The following FNDC3A variants were observed in gnomAD, a reference collection of about 807,000 sequenced individuals.
FNDC3A encodes fibronectin type III domain containing 3A.
Under a neutral mutation model 148.9 loss-of-function variants are expected in FNDC3A, and 32 were observed. The ratio of observed to expected loss-of-function variants is 0.21; its 90% CI spans 0.16 to 0.29. The LOEUF (loss-of-function observed/expected upper bound fraction) is 0.29, where lower values mean the gene tolerates loss of function less well. FNDC3A is among the 10% of genes least tolerant of loss of function. FNDC3A has a pLI of 1.00. For synonymous variants in FNDC3A, 472 were observed against 473.6 expected (o/e 1.00, Z 0.04); for missense variants, 1,191 against 1,452.8 (o/e 0.82, Z 2.93).
chr13:49,048,908 A>G (rs570409535), intron 2 of FNDC3A, among the ~76,000 whole-genome samples: 1 of 152,264 alleles, frequency 6.6e-6, no homozygotes, highest in South Asian at 2.1e-4. Context: ...CTCAGGGGGA[A>G]TGCTTTCAAC....
At chr13:49,188,348 A>G (rs927019764) in intron 16 of FNDC3A, among the ~76,000 whole-genome samples, 167 bp from the exon 17 acceptor site, 1 of 152,256 alleles carries the variant, frequency 6.6e-6, no homozygotes, top group Non-Finnish European at 1.5e-5. Flanking sequence ...GAAGCTGCAC[A>G]CATAAAGAAA....
chr13:49,173,065 A>G (rs1045521680), intron 11 of FNDC3A, among the ~76,000 whole-genome samples: 3 of 152,246 alleles, frequency 2.0e-5, no homozygotes, highest in African/African-American at 7.2e-5. Flanking sequence ...AAGTTAACAA[A>G]TTTATGTTGG....
chr13:49,130,334 C>G (rs1386518651), intron 4 of FNDC3A, among the ~76,000 whole-genome samples: 2 of 151,712 alleles, frequency 1.3e-5, no homozygotes, highest in African/African-American at 4.8e-5. Context: ...TTGAAATGAT[C>G]AGCTGTTAAA....
At chr13:49,142,713 C>A (rs1882758807) in intron 7 of FNDC3A, among the ~76,000 whole-genome samples, 1 of 152,160 alleles carries the variant, frequency 6.6e-6, no homozygotes, top group South Asian at 2.1e-4. Context: ...AATACTCATT[C>A]CTGTACTAAT....
intron 14 of FNDC3A, 135 bp downstream of exon 14, chr13:49,178,789 G>A (rs2138072788): frequency 1.9e-6 from 1 of 532,534 alleles, no homozygotes; most frequent in Non-Finnish European, 3.2e-6. Flanking sequence ...AGCTGCTGCA[G>A]TGGCACAATC....
chr13:49,128,556 T>C (rs900109039), intron 4 of FNDC3A, among the ~76,000 whole-genome samples: 7 of 152,164 alleles, frequency 4.6e-5, no homozygotes, highest in Admixed American at 1.3e-4. Context: ...CTACCACATA[T>C]CCTCTAGGAG....
intron 7 of FNDC3A, among the ~76,000 whole-genome samples, chr13:49,143,058 G>A (rs1211425621): frequency 6.6e-6 from 1 of 152,076 alleles, no homozygotes; most frequent in Admixed American, 6.6e-5. Flanking sequence ...AGTAGAGATA[G>A]GGTTCCACCA....
intron 1 of FNDC3A, among the ~76,000 whole-genome samples, chr13:48,977,071 G>T (rs144659052): frequency 6.6e-6 from 1 of 152,330 alleles, no homozygotes; most frequent in East Asian, 1.9e-4. Flanking sequence ...TTTGCTGGGG[G>T]TGCTAGAGAT....
intron 19 of FNDC3A, among the ~76,000 whole-genome samples, chr13:49,193,961 A>G (rs1886022579): frequency 6.6e-6 from 1 of 151,752 alleles, no homozygotes; most frequent in South Asian, 2.1e-4. Flanking sequence ...TAAATGACAG[A>G]TTTATATTTG....
chr13:49,077,003 T>C (rs1203960181), intron 3 of FNDC3A, among the ~76,000 whole-genome samples: 1 of 152,178 alleles, frequency 6.6e-6, no homozygotes, highest in Non-Finnish European at 1.5e-5. Context: ...GGAAGACAAG[T>C]GCAGTGGGTC....
chr13:49,140,578 T>A (rs1057430527), intron 7 of FNDC3A, among the ~76,000 whole-genome samples: 2 of 152,180 alleles, frequency 1.3e-5, no homozygotes, highest in African/African-American at 4.8e-5. Flanking sequence ...GCTTGCTTGT[T>A]TTTGTGTGTG....
chr13:49,198,681 C>G, intron 23 of FNDC3A, 107 bp downstream of exon 23: 1 of 892,990 alleles, frequency 1.1e-6, no homozygotes, highest in Non-Finnish European at 1.7e-6. Context: ...CCTGTAATCT[C>G]AGCACTTTGG....
At position 49,186,105 on chromosome 13, in the gene FNDC3A, A is replaced by G. The variant is rs749116630; in HGVS notation, c.1756+3A>G. The G allele has an allele frequency of 6.2e-6, 10 of 1,604,552 alleles. No individual in the cohort carries two copies. Among genetic ancestry groups the G allele is most frequent in the Non-Finnish European group, 8.5e-6 (10 of 1,172,842 alleles). ...ACACAGTTTTAAAATAACCTGGGGT[A>G]AGATATTATGCATGTTTATACATTA... On this transcript the variant is annotated splice_donor_region_variant and intron_variant, in intron 15 of 25. Coordinates refer to ENST00000492622, the MANE Select transcript of FNDC3A (RefSeq NM_001079673.2).
intron 6 of FNDC3A, among the ~76,000 whole-genome samples, chr13:49,138,429 GA>G (rs1372606061): frequency 3.3e-5 from 5 of 152,006 alleles, no homozygotes; most frequent in Admixed American, 6.6e-5. Context: ...TTTCCAGAGA[GA>G]ATATTCTTAC....
At chr13:49,071,163 G>C (rs566297408) in intron 2 of FNDC3A, among the ~76,000 whole-genome samples, 10 of 142,862 alleles carry the variant, frequency 7.0e-5, no homozygotes, top group Middle Eastern at 7.9e-3. Flanking sequence ...GCCTCCCAAA[G>C]TGCTGGGATT....
intron 9 of FNDC3A, among the ~76,000 whole-genome samples, chr13:49,167,956 C>T (rs1884562600): frequency 6.6e-6 from 1 of 152,030 alleles, no homozygotes; most frequent in Non-Finnish European, 1.5e-5. Flanking sequence ...TTACTACATC[C>T]TGTTTTAGGG....
In FNDC3A at chr13:49,197,710, T is replaced by C. The variant is rs1477149098; in HGVS notation, c.2341-15T>C. 1.3e-6 allele frequency: 2 copies of C among 1,596,312 alleles called. No individual in the cohort carries two copies. Among genetic ancestry groups the C allele is most frequent in the Non-Finnish European group, 1.7e-6 (2 of 1,175,526 alleles). On this transcript the variant is annotated splice_polypyrimidine_tract_variant and intron_variant, in intron 20 of 25. Transcript: ENST00000492622. ...ACATCAAGACTAAGACCTTTATCCT[T>C]TTCTTAATTTAAAGGTTCCTTTGAG...
At chr13:49,167,438 G>A (rs111758904) in intron 9 of FNDC3A, 135 bp downstream of exon 9, 11 of 572,838 alleles carry the variant, frequency 1.9e-5, no homozygotes, top group East Asian at 3.1e-5. Flanking sequence ...TGGGCTGGGC[G>A]CAGTGCGCCC....
chr13:49,045,812 T>C, intron 2 of FNDC3A: 1 of 411,730 alleles, frequency 2.4e-6, no homozygotes, highest in South Asian at 3.2e-5. Context: ...TTTTTTTTCG[T>C]TGTCAAATAA....
Sources: gnomAD v4.1 joint callset for allele counts (sites outside exome capture counted in the v4.1 genomes callset) on GRCh38, gnomAD v4.1.1 for gene constraint, MANE v1.5 for transcripts, NCBI Gene and HGNC (gene_info 2026-07-23, HGNC 2026-07-21) for gene names.